The following MAGI2 variants were observed in gnomAD, a reference collection of about 807,000 sequenced individuals.
MAGI2 encodes the protein membrane associated guanylate kinase, WW and PDZ domain containing 2, also known as membrane-associated guanylate kinase, WW and PDZ domain-containing protein 2.
Under a neutral mutation model 133.3 loss-of-function variants are expected in MAGI2, and 35 were observed. The ratio of observed to expected loss-of-function variants is 0.26; its 90% CI spans 0.20 to 0.35. MAGI2 has a LOEUF of 0.35. Among genes scored for constraint, MAGI2 ranks in the 10% least tolerant of loss-of-function variants. MAGI2 has a pLI of 1.00. For missense variants in MAGI2, 1,636 were observed against 1,863.4 expected (o/e 0.88, Z 2.25); for synonymous variants, 729 against 710.6 (o/e 1.03, Z -0.41).
intron 2 of MAGI2, among the ~76,000 whole-genome samples, chr7:78,729,839 A>G (rs1821196304): frequency 1.3e-5 from 2 of 152,194 alleles, no homozygotes; most frequent in South Asian, 4.1e-4. Flanking sequence ...AAGAGTTCTG[A>G]TCTACCTCAC....
intron 2 of MAGI2, among the ~76,000 whole-genome samples, chr7:78,943,270 T>A (rs1469120369): frequency 1.3e-5 from 2 of 152,088 alleles, no homozygotes; most frequent in Non-Finnish European, 2.9e-5. Context: ...CCCGATTTTT[T>A]AAAAAAATTG....
Position 78,623,595 on chromosome 7 carries a change from G to T in MAGI2, c.538+3525C>A, listed in dbSNP as rs1004209266. Among the ~76,000 whole-genome samples the T allele has an allele frequency of 5.3e-5, 8 of 151,944 alleles. No individual in the cohort carries two copies. In the South Asian group the frequency reaches 1.7e-3, roughly 31 times the overall value. On this transcript the variant is annotated intron_variant, in intron 3 of 21. Transcript: ENST00000354212. ...GCATAAAACTGTTTCCTTTTCCTGG[G>T]TATTTTTGCCTATTTCCTGTAAATG...
Position 78,978,383 on chromosome 7 carries a change from G to A in MAGI2, c.418+28707C>T, listed in dbSNP as rs559864966. Reference sequence around the variant, plus strand: ...GACACATGAAAGACATGCATGAATTGTCAACCCATTTTTCTAAGTGAAAGT... The same window carrying A: ...GACACATGAAAGACATGCATGAATTATCAACCCATTTTTCTAAGTGAAAGT... On this transcript the variant is annotated intron_variant, in intron 2 of 21. Coordinates refer to ENST00000354212, the MANE Select transcript of MAGI2 (RefSeq NM_012301.4). 5.3e-5 allele frequency among the ~76,000 whole-genome samples: 8 copies of A among 151,962 alleles called. No homozygotes were observed. The South Asian group carries it at 1.7e-3, about 31-fold the overall frequency.
At position 79,243,969 on chromosome 7, in the gene MAGI2, T is replaced by C. The variant is rs978515262; in HGVS notation, c.301+209051A>G. 2.0e-5 allele frequency among the ~76,000 whole-genome samples: 3 copies of C among 152,158 alleles called. No individual in the cohort carries two copies. The East Asian group carries it at 5.8e-4, about 29-fold the overall frequency. Reference sequence around the variant, plus strand: ...TGTCATAGTTCTTCAGGCTGTATTATGCATACCACATCCTCTGTAGCCCTC... The same window carrying C: ...TGTCATAGTTCTTCAGGCTGTATTACGCATACCACATCCTCTGTAGCCCTC... On this transcript the variant is annotated intron_variant, in intron 1 of 21. Transcript: ENST00000354212.
intron 1 of MAGI2, among the ~76,000 whole-genome samples, chr7:79,265,435 C>A (rs1834377502): frequency 1.3e-5 from 2 of 152,246 alleles, no homozygotes; most frequent in Non-Finnish European, 2.9e-5. Flanking sequence ...TTACCCAAAG[C>A]AAATCATTAT....
intron 1 of MAGI2, among the ~76,000 whole-genome samples, chr7:79,157,972 G>GTGTGTGTGTC (rs1384745090): frequency 0.057 from 8,296 of 145,674 alleles, 525 homozygotes; most frequent in African/African-American, 0.15. Context: ...GTGTGTGTGT[G>GTGTGTGTGTC]TGTGTATTTA....
chr7:78,931,371 T>C (rs556446870), intron 2 of MAGI2, among the ~76,000 whole-genome samples: 1 of 152,210 alleles, frequency 6.6e-6, no homozygotes, highest in East Asian at 1.9e-4. Flanking sequence ...AAATCACGGT[T>C]CCTTGCTCTC....
At chr7:78,203,574 T>C (rs1829463678) in intron 10 of MAGI2, among the ~76,000 whole-genome samples, 1 of 152,214 alleles carries the variant, frequency 6.6e-6, no homozygotes, top group Non-Finnish European at 1.5e-5. Context: ...GTGATGGCAG[T>C]TTCTGGAATA....
chr7:78,865,681 G>A (rs777882950), intron 2 of MAGI2, among the ~76,000 whole-genome samples: 12 of 152,188 alleles, frequency 7.9e-5, no homozygotes, highest in Non-Finnish European at 1.3e-4. Context: ...TCTAATTGAT[G>A]AGAAAGAAAA....
chr7:78,956,208 A>AT (rs1288726584), intron 2 of MAGI2, among the ~76,000 whole-genome samples: 1 of 152,026 alleles, frequency 6.6e-6, no homozygotes, highest in Non-Finnish European at 1.5e-5. Flanking sequence ...AGGTCTATTA[A>AT]TTTTTTCCAC....
chr7:78,172,063 G>T (rs892378593), intron 14 of MAGI2, among the ~76,000 whole-genome samples: 10 of 152,046 alleles, frequency 6.6e-5, no homozygotes, highest in Admixed American at 3.9e-4. Context: ...TTTATCTCTC[G>T]CTGTGAGGGC....
At chr7:78,778,008 T>C (rs1057431980) in intron 2 of MAGI2, among the ~76,000 whole-genome samples, 1 of 152,188 alleles carries the variant, frequency 6.6e-6, no homozygotes, top group African/African-American at 2.4e-5. Context: ...TACCCAGCGA[T>C]CATGAATAAA....
chr7:79,056,170 G>A (rs1418332586), intron 1 of MAGI2, among the ~76,000 whole-genome samples: 1 of 152,096 alleles, frequency 6.6e-6, no homozygotes, highest in African/African-American at 2.4e-5. Flanking sequence ...GAGGCAGGAG[G>A]ATGGCTTGAT....
chr7:79,302,066 A>G (rs1161130815), intron 1 of MAGI2, among the ~76,000 whole-genome samples: 1 of 152,218 alleles, frequency 6.6e-6, no homozygotes, highest in African/African-American at 2.4e-5. Flanking sequence ...CCATGAGCCA[A>G]TTAAAACTCT....
intron 1 of MAGI2, among the ~76,000 whole-genome samples, chr7:79,072,393 C>T (rs754044138): frequency 2.0e-5 from 3 of 152,134 alleles, no homozygotes; most frequent in Admixed American, 6.5e-5. Context: ...AAATTGAAGG[C>T]TGTTATTGCC....
chr7:78,973,125 C>A (rs1803933223), intron 2 of MAGI2, among the ~76,000 whole-genome samples: 1 of 151,842 alleles, frequency 6.6e-6, no homozygotes, highest in African/African-American at 2.4e-5. Flanking sequence ...CATAAGGCTT[C>A]CCCAGGATAC....
intron 2 of MAGI2, among the ~76,000 whole-genome samples, chr7:78,715,895 G>C (rs1028783337): frequency 3.1e-5 from 2 of 64,868 alleles, no homozygotes; most frequent in African/African-American, 1.2e-4. Context: ...ATAACACTCG[G>C]AATTTTCAAT....
intron 2 of MAGI2, among the ~76,000 whole-genome samples, chr7:78,836,811 A>C (rs1055550235): frequency 6.6e-6 from 1 of 152,138 alleles, no homozygotes; most frequent in African/African-American, 2.4e-5. Context: ...TAAGGTGCTG[A>C]ACCCTGTATG....
chr7:78,357,119 T>G (rs975623311), intron 7 of MAGI2, among the ~76,000 whole-genome samples: 1 of 152,190 alleles, frequency 6.6e-6, no homozygotes, highest in Non-Finnish European at 1.5e-5. Context: ...ATATTCAGGG[T>G]CTGGGAGTCA....
Sources: gnomAD v4.1 joint callset for allele counts (sites outside exome capture counted in the v4.1 genomes callset) on GRCh38, gnomAD v4.1.1 for gene constraint, MANE v1.5 for transcripts, NCBI Gene and HGNC (gene_info 2026-07-23, HGNC 2026-07-21) for gene names.